The following CPQ variants were observed in gnomAD, a reference collection of about 807,000 sequenced individuals.
The protein encoded by CPQ is carboxypeptidase Q.
CPQ carries 37 observed loss-of-function variants against 45.7 expected under a neutral mutation model. The observed-to-expected ratio is 0.81, with a 90% CI of 0.62 to 1.07. CPQ has a LOEUF of 1.07. Ranked by LOEUF, CPQ falls within the 50% of genes least tolerant of loss-of-function variation. CPQ has a pLI of 0.00. For missense variants in CPQ, 537 were observed against 572.9 expected (o/e 0.94, Z 0.64); for synonymous variants, 186 against 205.8 (o/e 0.90, Z 0.82).
At chr8:97,012,858 T>C (rs746789121) in intron 5 of CPQ, among the ~76,000 whole-genome samples, 12 of 150,112 alleles carry the variant, frequency 8.0e-5, no homozygotes, top group Non-Finnish European at 1.3e-4. Context: ...CCTCGCAGTT[T>C]GCTCTAAATT....
At chr8:96,679,735 T>C (rs530917251) in intron 1 of CPQ, among the ~76,000 whole-genome samples, 24 of 152,156 alleles carry the variant, frequency 1.6e-4, no homozygotes, top group African/African-American at 5.1e-4. Flanking sequence ...TGATTCTTTG[T>C]ATTTCTGTGG....
chr8:97,127,488 G>C (rs1811866729), intron 7 of CPQ, among the ~76,000 whole-genome samples: 1 of 152,074 alleles, frequency 6.6e-6, no homozygotes, highest in South Asian at 2.1e-4. Context: ...AGGAGTTTGA[G>C]ACCAGCCTGG....
chr8:97,098,515 C>T (rs949982583), intron 7 of CPQ, among the ~76,000 whole-genome samples: 4 of 152,152 alleles, frequency 2.6e-5, no homozygotes, highest in Non-Finnish European at 5.9e-5. Context: ...CAAAAACCTT[C>T]TTTGAACACC....
At chr8:96,830,473 T>G (rs1811440855) in intron 2 of CPQ, among the ~76,000 whole-genome samples, 1 of 152,062 alleles carries the variant, frequency 6.6e-6, no homozygotes, top group Admixed American at 6.6e-5. Context: ...ACACACAGGT[T>G]AAGTGGCTTA....
Position 96,926,625 on chromosome 8 carries a change from C to CTTCTTCTTCTTCTTCCT in CPQ, c.850-39310_850-39309insTTCTTCTTCTTCTTCCT, listed in dbSNP as rs59043894. On this transcript the variant is annotated intron_variant, in intron 4 of 7. Coordinates refer to ENST00000220763, the MANE Select transcript of CPQ (RefSeq NM_016134.4). ...TTCTTCTTCTTCTTCTTCTTCTTCT[C>CTTCTTCTTCTTCTTCCT]CTCCTTCTCCTTCTTCTTCTTCTCC... Among the ~76,000 whole-genome samples, 129 of 58,370 alleles carry CTTCTTCTTCTTCTTCCT rather than the reference C, an allele frequency of 2.2e-3. 1 individual carries two copies. The highest frequency in any genetic ancestry group is 7.3e-3 in the African/African-American group (116 of 15,800). The allele number at this position is 58,370 out of a possible 152,430, so 38.3% of individuals were successfully genotyped here.
chr8:96,872,519 G>T (rs2130875432), intron 3 of CPQ, among the ~76,000 whole-genome samples: 1 of 151,920 alleles, frequency 6.6e-6, no homozygotes, highest in East Asian at 1.9e-4. Context: ...TAGTTGGTAG[G>T]AAGTTATATA....
At chr8:96,802,406 T>C (rs1419558324) in intron 2 of CPQ, among the ~76,000 whole-genome samples, 1 of 152,186 alleles carries the variant, frequency 6.6e-6, no homozygotes, top group African/African-American at 2.4e-5. Context: ...GCATTTCACA[T>C]TGAAAGTGGC....
chr8:96,963,986 G>T (rs997216555), intron 4 of CPQ, among the ~76,000 whole-genome samples: 29 of 151,376 alleles, frequency 1.9e-4, no homozygotes, highest in Admixed American at 6.6e-4. Flanking sequence ...CATGAATTGT[G>T]TTTTTTCATT....
intron 6 of CPQ, among the ~76,000 whole-genome samples, chr8:97,035,220 T>C (rs1409057068): frequency 1.3e-5 from 2 of 152,184 alleles, no homozygotes; most frequent in Non-Finnish European, 2.9e-5. Context: ...TAGTTTTCTA[T>C]TGTGTGAATA....
chr8:96,679,432 C>A (rs1258822519), intron 1 of CPQ, among the ~76,000 whole-genome samples: 1 of 151,930 alleles, frequency 6.6e-6, no homozygotes, highest in Admixed American at 6.6e-5. Flanking sequence ...TAATTTTGGC[C>A]TCATAGAATG....
intron 4 of CPQ, among the ~76,000 whole-genome samples, chr8:96,935,858 T>G (rs528586832): frequency 2.6e-5 from 4 of 152,266 alleles, no homozygotes; most frequent in Non-Finnish European, 4.4e-5. Context: ...GATGAAAAGG[T>G]TTCCATTAGT....
At chr8:96,717,055 AT>A (rs1809688358) in intron 1 of CPQ, among the ~76,000 whole-genome samples, 2 of 108,322 alleles carry the variant, frequency 1.8e-5, no homozygotes, top group Admixed American at 8.5e-5. Context: ...ATATATATAT[AT>A]ATATATATAT....
chr8:96,962,296 C>G (rs1257925945), intron 4 of CPQ, among the ~76,000 whole-genome samples: 2 of 152,132 alleles, frequency 1.3e-5, no homozygotes, highest in African/African-American at 2.4e-5. Context: ...TTCAGAGTAA[C>G]TTTTTACTCT....
chr8:96,832,947 C>T (rs369343332), intron 2 of CPQ, among the ~76,000 whole-genome samples: 19 of 152,054 alleles, frequency 1.2e-4, no homozygotes, highest in East Asian at 7.8e-4. Context: ...GCTGGCACAC[C>T]GGTGGTATGG....
At chr8:96,762,931 A>T (rs116008490) in intron 1 of CPQ, among the ~76,000 whole-genome samples, 2 of 152,314 alleles carry the variant, frequency 1.3e-5, no homozygotes, top group African/African-American at 4.8e-5. Context: ...AGCATCACAG[A>T]TTAAGTGGCT....
intron 3 of CPQ, among the ~76,000 whole-genome samples, chr8:96,859,091 G>A (rs986795375): frequency 6.6e-6 from 1 of 152,156 alleles, no homozygotes; most frequent in African/African-American, 2.4e-5. Context: ...ATGCTCCATA[G>A]GTTTACCTTT....
chr8:97,117,295 T>G (rs530304400), intron 7 of CPQ, among the ~76,000 whole-genome samples: 1 of 152,290 alleles, frequency 6.6e-6, no homozygotes, highest in African/African-American at 2.4e-5. Context: ...GATGAGGGGA[T>G]GCAGAGTTAG....
intron 7 of CPQ, among the ~76,000 whole-genome samples, chr8:97,124,636 TC>T (rs1811815076): frequency 6.6e-6 from 1 of 152,150 alleles, no homozygotes; most frequent in South Asian, 2.1e-4. Context: ...TCAAGAAAAT[TC>T]CCAAATACTT....
chr8:96,722,480 G>A (rs113722821), intron 1 of CPQ, among the ~76,000 whole-genome samples: 3,646 of 152,058 alleles, frequency 0.024, 160 homozygotes, highest in African/African-American at 0.083. Flanking sequence ...GCAGAATTGC[G>A]TAGTTAGGAT....
Sources: gnomAD v4.1 joint callset for allele counts (sites outside exome capture counted in the v4.1 genomes callset) on GRCh38, gnomAD v4.1.1 for gene constraint, MANE v1.5 for transcripts, NCBI Gene and HGNC (gene_info 2026-07-23, HGNC 2026-07-21) for gene names.